Variants in TTYH3 observed in about 807,000 individuals in gnomAD.
TTYH3 encodes the protein tweety family member 3, also known as protein tweety homolog 3.
In TTYH3, 23 loss-of-function variants were observed where a neutral mutation model predicts 68.2. The ratio of observed to expected loss-of-function variants is 0.34; its 90% CI spans 0.24 to 0.48. The LOEUF is 0.48. Among genes scored for constraint, TTYH3 ranks in the 20% least tolerant of loss-of-function variants. The pLI is 0.99. For synonymous variants in TTYH3, 360 were observed against 332.8 expected, an observed-to-expected ratio of 1.08 and a Z score of -0.89; for missense variants, 768 against 727.7, an observed-to-expected ratio of 1.06 and a Z score of -0.64.
intron 7 of TTYH3, among the ~76,000 whole-genome samples, chr7:2,651,009 G>T (rs1786159648): frequency 6.6e-6 from 1 of 151,930 alleles, no homozygotes; most frequent in Non-Finnish European, 1.5e-5. Flanking sequence ...TACTGTGGGT[G>T]GGGGAGCAGG....
In TTYH3 at chr7:2,663,697, C is replaced by G. The variant is rs1426160265; in HGVS notation, c.*1958C>G. ...GCCCGCCAAACGCCCTGCGACCGCT[C>G]AGAAGCACAAATGCTGTCCATGGCC... is the stretch of plus-strand genomic sequence containing the variant. On this transcript the variant is annotated 3_prime_UTR_variant, in exon 14 of 14. Transcript: ENST00000258796. The G allele has an allele frequency of 6.5e-6, 1 of 152,698 alleles. No homozygotes were observed. The highest frequency in any genetic ancestry group is 1.5e-5 in the Non-Finnish European group (1 of 68,064). The allele number at this position is 152,698 out of a possible 1,614,324, so 9.5% of individuals were successfully genotyped here.
intron 3 of TTYH3, 24 bp from the exon 4 acceptor site, chr7:2,647,394 C>G (rs1297610970): frequency 2.0e-6 from 3 of 1,470,604 alleles, no homozygotes; most frequent in Non-Finnish European, 2.7e-6. Flanking sequence ...CGCTCCCAGC[C>G]TCACGCCCGC....
In TTYH3 at chr7:2,662,952, G is replaced by A. The variant is rs930023290; in HGVS notation, c.*1213G>A. Reference sequence around the variant, plus strand: ...GTGCTGCCCCAGGAGGACTGTCCTCGGGAATGAACCTCCCGCGGGCTTTGG... The same window carrying A: ...GTGCTGCCCCAGGAGGACTGTCCTCAGGAATGAACCTCCCGCGGGCTTTGG... On this transcript the variant is annotated 3_prime_UTR_variant, in exon 14 of 14. Transcript: ENST00000258796. 6.6e-6 allele frequency: 1 copy of A among 152,242 alleles called. No individual in the cohort carries two copies. The highest frequency in any genetic ancestry group is 2.4e-5 in the African/African-American group (1 of 41,456). 9.4% of individuals were successfully genotyped at this position (152,242 alleles called of 1,614,324 possible).
chr7:2,634,921 C>T (rs140883973), intron 1 of TTYH3, among the ~76,000 whole-genome samples: 362 of 152,228 alleles, frequency 2.4e-3, no homozygotes, highest in African/African-American at 8.0e-3. Context: ...GATTCCCCCA[C>T]GGCTGCCTTG....
intron 1 of TTYH3, 147 bp from the exon 2 acceptor site, chr7:2,646,706 C>T: frequency 1.2e-6 from 1 of 854,648 alleles, no homozygotes; most frequent in Non-Finnish European, 1.8e-6. Flanking sequence ...GACTCCATGC[C>T]TCACCTACAA....
At chr7:2,641,101 C>G (rs1460102850) in intron 1 of TTYH3, among the ~76,000 whole-genome samples, 2 of 152,188 alleles carry the variant, frequency 1.3e-5, no homozygotes, top group Non-Finnish European at 2.9e-5. Context: ...CTGCCCCGAG[C>G]CACACCCCAG....
chr7:2,662,060 G>C lies in TTYH3; in HGVS notation c.*321G>C. On this transcript the variant is annotated 3_prime_UTR_variant, in exon 14 of 14. Transcript: ENST00000258796. ...TACAAGCCCTGGCCGCACCCAACCT[G>C]TGTTGTTGCCGCCCGGCCCTTCCCT... 11 of 527,076 alleles carry C rather than the reference G, an allele frequency of 2.1e-5. No homozygotes were observed. The South Asian group carries it at 2.1e-4, about 10-fold the overall frequency. The allele number at this position is 527,076 out of a possible 1,614,324, so 32.6% of individuals were successfully genotyped here.
rs1052029399 is a variant in TTYH3 at position 2,645,591 on chromosome 7, G to A, written c.124-1262G>A. 2 of 354,752 alleles carry A rather than the reference G, an allele frequency of 5.6e-6. No homozygotes were observed. Among genetic ancestry groups the A allele is most frequent in the Non-Finnish European group, 1.1e-5 (2 of 175,632 alleles). The allele number at this position is 354,752 out of a possible 1,614,324, so 22.0% of individuals were successfully genotyped here. A position where few individuals can be genotyped will look rare whatever the true frequency, so the allele number is the denominator to read the frequency against. On this transcript the variant is annotated intron_variant, in intron 1 of 13. Transcript: ENST00000258796. This position sits in a 1 kb window ranked among gnomAD's most constrained non-coding sequence, Gnocchi z 4.8. Reference sequence around the variant, plus strand: ...GGAAGGCCGTGCTTGGAGCCAGACAGGGCTGTGTGTCCGATGGGGCGCCTG... The same window carrying A: ...GGAAGGCCGTGCTTGGAGCCAGACAAGGCTGTGTGTCCGATGGGGCGCCTG...
At chr7:2,647,780 T>C in intron 4 of TTYH3, 142 bp downstream of exon 4, 1 of 1,086,762 alleles carries the variant, frequency 9.2e-7, no homozygotes, top group Non-Finnish European at 1.3e-6. Context: ...AGGCAGTGGC[T>C]GGAGTTCCCC....
chr7:2,661,937 A>G lies in TTYH3; in HGVS notation c.*198A>G. 1.6e-6 allele frequency: 1 copy of G among 635,394 alleles called. No homozygotes were observed. The highest frequency in any genetic ancestry group is 1.9e-5 in the South Asian group (1 of 53,416). 39.4% of individuals were successfully genotyped at this position (635,394 alleles called of 1,614,324 possible). A position where few individuals can be genotyped will look rare whatever the true frequency, so the allele number is the denominator to read the frequency against. On this transcript the variant is annotated 3_prime_UTR_variant, in exon 14 of 14. Coordinates refer to ENST00000258796, the MANE Select transcript of TTYH3 (RefSeq NM_025250.3). ...GCAGGGGCTCTGGGCCCGTACCGCC[A>G]ACTCGGGTCACACCTGAACGCTGCT...
chr7:2,647,742 G>C (rs1786039841), intron 4 of TTYH3, 104 bp downstream of exon 4: 1 of 1,302,802 alleles, frequency 7.7e-7, no homozygotes, highest in Admixed American at 2.1e-5. Flanking sequence ...TGATGGGCAG[G>C]GTGTGGCCCA....
At chr7:2,647,824 C>A in intron 4 of TTYH3, 135 bp from the exon 5 acceptor site, 1 of 1,124,182 alleles carries the variant, frequency 8.9e-7, no homozygotes, top group Non-Finnish European at 1.3e-6. Flanking sequence ...TGACACCAGT[C>A]CCCATGACCC....
At chr7:2,632,581 C>G (rs570673712) in intron 1 of TTYH3, among the ~76,000 whole-genome samples, 1 of 152,298 alleles carries the variant, frequency 6.6e-6, no homozygotes, top group East Asian at 1.9e-4. Flanking sequence ...CACTAAGGCC[C>G]CTGGGTTTCA....
chr7:2,635,514 T>G (rs540217038), intron 1 of TTYH3, among the ~76,000 whole-genome samples: 43 of 152,322 alleles, frequency 2.8e-4, no homozygotes, highest in Non-Finnish European at 4.9e-4. Context: ...GCAGGCCAGA[T>G]GCAGGACAAC....
chr7:2,646,785 C>T (rs1785995579), intron 1 of TTYH3, 68 bp from the exon 2 acceptor site: 2 of 1,492,380 alleles, frequency 1.3e-6, no homozygotes, highest in Admixed American at 2.0e-5. Context: ...AGGTCCCCTG[C>T]TGGGGCGGGG....
chr7:2,651,770 G>A (rs931964945), intron 7 of TTYH3, among the ~76,000 whole-genome samples: 1 of 152,036 alleles, frequency 6.6e-6, no homozygotes, highest in Non-Finnish European at 1.5e-5. Flanking sequence ...TTTTATAATT[G>A]GAAGAACTGA....
At chr7:2,655,544 G>T (rs1786309028) in intron 9 of TTYH3, among the ~76,000 whole-genome samples, 1 of 152,240 alleles carries the variant, frequency 6.6e-6, no homozygotes, top group Non-Finnish European at 1.5e-5. Context: ...CTGTCAGCCT[G>T]GCAGTGTTTC....
At chr7:2,639,556 C>T (rs144975877) in intron 1 of TTYH3, among the ~76,000 whole-genome samples, 9 of 152,340 alleles carry the variant, frequency 5.9e-5, no homozygotes, top group East Asian at 5.8e-4. Flanking sequence ...CAGCACCCAG[C>T]GCAAGCTGCT....
In TTYH3 at chr7:2,632,066, G is replaced by A. The variant is rs1012980493; in HGVS notation, c.-90G>A. 9.5e-6 allele frequency: 11 copies of A among 1,159,932 alleles called. No individual in the cohort carries two copies. The highest frequency in any genetic ancestry group is 1.6e-5 in the African/African-American group (1 of 62,026). 71.9% of individuals were successfully genotyped at this position (1,159,932 alleles called of 1,614,324 possible). A position where few individuals can be genotyped will look rare whatever the true frequency, so the allele number is the denominator to read the frequency against. On this transcript the variant is annotated 5_prime_UTR_variant, in exon 1 of 14. Transcript: ENST00000258796. The stretch of plus-strand genomic sequence containing the variant: ...GCGCGGATGATGCGGGCGGCCAGGC[G>A]GGGGTCGACGGGTCCCTGAAGCCCG...
Sources: allele counts gnomAD v4.1 joint callset (sites outside exome capture counted in the v4.1 genomes callset), GRCh38; gene constraint gnomAD v4.1.1; non-coding constraint Gnocchi (gnomAD v3.1); transcripts MANE v1.5; gene names NCBI Gene and HGNC (gene_info 2026-07-23, HGNC 2026-07-21).